Variants in ERC2 observed in about 807,000 individuals in gnomAD.
ERC2 encodes the protein ERC protein 2.
A neutral mutation model predicts 114.8 loss-of-function variants in ERC2; 42 were observed. The observed-to-expected ratio is 0.37, with a 90% CI of 0.29 to 0.47. ERC2 has a LOEUF of 0.47. Among genes scored for constraint, ERC2 ranks in the 20% least tolerant of loss-of-function variants. The pLI is 0.99. For missense variants in ERC2, 939 were observed against 1,150.7 expected (o/e 0.82, Z 2.66); for synonymous variants, 454 against 425.5 (o/e 1.07, Z -0.82).
chr3:56,419,299 T>C (rs1267119727), intron 2 of ERC2, among the ~76,000 whole-genome samples: 1 of 152,234 alleles, frequency 6.6e-6, no homozygotes, highest in Non-Finnish European at 1.5e-5. Context: ...CAATTACAAA[T>C]AAGTGATATA....
intron 5 of ERC2, among the ~76,000 whole-genome samples, chr3:56,146,459 A>C (rs2081140308): frequency 6.6e-6 from 1 of 152,210 alleles, no homozygotes; most frequent in African/African-American, 2.4e-5. Flanking sequence ...TTAACAATAA[A>C]AGAGGTGTCT....
intron 1 of ERC2, among the ~76,000 whole-genome samples, chr3:56,442,150 C>CA (rs1212996554): frequency 5.9e-5 from 9 of 151,984 alleles, no homozygotes; most frequent in East Asian, 5.8e-4. Flanking sequence ...CTTGAGGCTA[C>CA]AAAAAAAATC....
chr3:55,879,113 CAG>C (rs2063004235), intron 14 of ERC2, among the ~76,000 whole-genome samples: 1 of 7,510 alleles, frequency 1.3e-4, no homozygotes, highest in African/African-American at 5.0e-4. Context: ...TTTTTTTTGG[CAG>C]AGTTTCTGCA....
chr3:55,761,748 C>T (rs1026862238), intron 14 of ERC2, among the ~76,000 whole-genome samples: 1 of 151,314 alleles, frequency 6.6e-6, no homozygotes, highest in Non-Finnish European at 1.5e-5. Flanking sequence ...TTGTGGCGGG[C>T]GCCTGTAGTC....
At chr3:55,670,544 C>T (rs1435385988) in intron 17 of ERC2, among the ~76,000 whole-genome samples, 1 of 152,236 alleles carries the variant, frequency 6.6e-6, no homozygotes, top group African/African-American at 2.4e-5. Context: ...AACCGCCCTG[C>T]AGCTCTGGAG....
intron 10 of ERC2, among the ~76,000 whole-genome samples, chr3:55,993,672 C>A (rs1272800434): frequency 6.8e-6 from 1 of 146,562 alleles, no homozygotes; most frequent in Non-Finnish European, 1.5e-5. Context: ...GAAATAAACT[C>A]AATTACACAA....
At chr3:56,317,787 C>T (rs1333609832) in intron 2 of ERC2, among the ~76,000 whole-genome samples, 1 of 152,114 alleles carries the variant, frequency 6.6e-6, no homozygotes, top group East Asian at 1.9e-4. Context: ...GTAAGTGCTG[C>T]ACAGACAAAT....
intron 12 of ERC2, among the ~76,000 whole-genome samples, chr3:55,977,154 C>T (rs2069654111): frequency 1.3e-5 from 2 of 152,118 alleles, no homozygotes. Context: ...GTTATAGCAG[C>T]CTGAACAGAC....
intron 15 of ERC2, among the ~76,000 whole-genome samples, chr3:55,719,154 T>A (rs1003602818): frequency 1.3e-5 from 2 of 152,172 alleles, no homozygotes; most frequent in Non-Finnish European, 1.5e-5. Context: ...GGCTTGGACA[T>A]AATTTATATT....
intron 14 of ERC2, among the ~76,000 whole-genome samples, chr3:55,863,602 T>C (rs1212981299): frequency 2.6e-5 from 4 of 152,114 alleles, no homozygotes; most frequent in Non-Finnish European, 2.9e-5. Flanking sequence ...TGCTCCAGAA[T>C]GTGCCAAAAA....
At chr3:55,952,621 T>A (rs951715422) in intron 12 of ERC2, among the ~76,000 whole-genome samples, 1 of 152,154 alleles carries the variant, frequency 6.6e-6, no homozygotes. Context: ...ATTAGTGTGA[T>A]TGTTTAATTA....
chr3:56,145,052 A>T (rs888365407), intron 5 of ERC2, among the ~76,000 whole-genome samples: 1 of 152,194 alleles, frequency 6.6e-6, no homozygotes, highest in Non-Finnish European at 1.5e-5. Context: ...GGCACACTTC[A>T]TCCCGTCTGA....
intron 14 of ERC2, among the ~76,000 whole-genome samples, chr3:55,743,593 C>CAAAAAAAAAA (rs367859231): frequency 9.3e-5 from 9 of 97,152 alleles, no homozygotes; most frequent in South Asian, 4.0e-4. Context: ...CCTGATCCAC[C>CAAAAAAAAAA]AAAAAAAAAA....
chr3:56,317,803 A>G (rs906242389), intron 2 of ERC2, among the ~76,000 whole-genome samples: 2 of 152,346 alleles, frequency 1.3e-5, no homozygotes, highest in South Asian at 4.1e-4. Context: ...CAAATAAAAT[A>G]TTAACGTGGC....
intron 2 of ERC2, among the ~76,000 whole-genome samples, chr3:56,398,771 CCA>C (rs2060411582): frequency 1.3e-5 from 2 of 152,072 alleles, no homozygotes; most frequent in South Asian, 4.2e-4. Flanking sequence ...CAGGCATATA[CCA>C]CCACACTCGA....
intron 3 of ERC2, among the ~76,000 whole-genome samples, chr3:56,254,770 G>C (rs2052406183): frequency 6.6e-6 from 1 of 151,978 alleles, no homozygotes; most frequent in African/African-American, 2.4e-5. Flanking sequence ...GTAAAATGTG[G>C]GATAACAATA....
chr3:55,952,182 C>CTATATA (rs1559923074), intron 12 of ERC2, among the ~76,000 whole-genome samples: 1 of 71,476 alleles, frequency 1.4e-5, no homozygotes, highest in Non-Finnish European at 2.8e-5. Context: ...CACACACACT[C>CTATATA]TCTCTCTCTC....
At chr3:55,686,808 T>G (rs1024252970) in intron 16 of ERC2, among the ~76,000 whole-genome samples, 5 of 152,224 alleles carry the variant, frequency 3.3e-5, no homozygotes, top group Non-Finnish European at 7.3e-5. Context: ...GTTTGATCCC[T>G]TGTGTGTCCT....
At chr3:56,395,207 G>C (rs1487927290) in intron 2 of ERC2, among the ~76,000 whole-genome samples, 1 of 152,086 alleles carries the variant, frequency 6.6e-6, no homozygotes, top group Non-Finnish European at 1.5e-5. Flanking sequence ...TAATTATAGT[G>C]ATAGTTGGTT....
Sources: allele counts gnomAD v4.1 joint callset (sites outside exome capture counted in the v4.1 genomes callset), GRCh38; gene constraint gnomAD v4.1.1; transcripts MANE v1.5; gene names NCBI Gene and HGNC (gene_info 2026-07-23, HGNC 2026-07-21).